Variants in ABCC6 observed in about 807,000 individuals in gnomAD.
The protein encoded by ABCC6 is ATP binding cassette subfamily C member 6.
In ABCC6, 126 loss-of-function variants were observed where a neutral mutation model predicts 169.5. That is an observed-to-expected ratio of 0.74 (90% CI 0.64 to 0.86). The LOEUF (loss-of-function observed/expected upper bound fraction) is 0.86, where lower values mean the gene tolerates loss of function less well. Ranked by LOEUF, ABCC6 falls within the 40% of genes least tolerant of loss-of-function variation. The pLI, the probability that ABCC6 is intolerant of heterozygous loss-of-function variation, is 0.00. For synonymous variants in ABCC6, 752 were observed against 814.7 expected, an observed-to-expected ratio of 0.92 and a Z score of 1.31; for missense variants, 1,733 against 1,927.2, an observed-to-expected ratio of 0.90 and a Z score of 1.89.
intron 21 of ABCC6, among the ~76,000 whole-genome samples, chr16:16,171,863 G>A (rs1368561771): frequency 1.4e-5 from 2 of 143,710 alleles, no homozygotes; most frequent in East Asian, 4.5e-4. Context: ...ATGAGTTGGT[G>A]GGAGGGATGG....
intron 17 of ABCC6, chr16:16,181,943 C>T (rs553225199): frequency 4.3e-6 from 1 of 235,166 alleles, no homozygotes; most frequent in East Asian, 1.1e-4. Flanking sequence ...CAAAACAAAA[C>T]AAAAAACAAA....
At chr16:16,188,537 A>G (rs976649373) in intron 13 of ABCC6, among the ~76,000 whole-genome samples, 12 of 152,238 alleles carry the variant, frequency 7.9e-5, no homozygotes, top group Non-Finnish European at 1.6e-4. Flanking sequence ...GGGAACTGAC[A>G]TGATTGCTTG....
Position 16,150,787 on chromosome 16 carries a change from G to A in ABCC6, c.4209-15C>T. 1 of 1,612,832 alleles carries A rather than the reference G, an allele frequency of 6.2e-7. No homozygotes were observed. The highest frequency in any genetic ancestry group is 8.5e-7 in the Non-Finnish European group (1 of 1,179,654). On this transcript the variant is annotated splice_polypyrimidine_tract_variant and intron_variant, in intron 29 of 30. Coordinates refer to ENST00000205557, the MANE Select transcript of ABCC6 (RefSeq NM_001171.6). ...TCTGGCCCACGCTGGGAACGATTGG[G>A]ACAATTAGCTGGGACGTGCGTTTGT... is the stretch of plus-strand genomic sequence containing the variant.
intron 29 of ABCC6, among the ~76,000 whole-genome samples, chr16:16,154,095 G>A (rs2046467637): frequency 6.6e-6 from 1 of 151,692 alleles, no homozygotes; most frequent in South Asian, 2.1e-4. Context: ...GACTACAGGT[G>A]CATGCCACCA....
chr16:16,160,381 T>C (rs1394615432), intron 25 of ABCC6, among the ~76,000 whole-genome samples: 1 of 152,152 alleles, frequency 6.6e-6, no homozygotes, highest in Non-Finnish European at 1.5e-5. Context: ...CTCATGCCTA[T>C]AATCCCAGCT....
rs373335815 is a variant in ABCC6 at position 16,175,928 on chromosome 16, G to A, written c.2649C>T (p.Pro883=). The part of the protein sequence containing the change: ...DPRGTSAGRR[P]ELRRERSIKS... The stretch of plus-strand genomic sequence containing the variant: ...GGACTCACCTCTCGCGTCTAAGCTC[G>A]GGCCTCCTGCCTGCAGAGGTGCCTC... The change falls in exon 20 of 31, where the codon CCC becomes CCT. Residue 883 remains proline (P), a synonymous_variant. Transcript: ENST00000205557. 19 of 1,613,972 alleles carry A rather than the reference G, an allele frequency of 1.2e-5. No homozygotes were observed. Among genetic ancestry groups the A allele is most frequent in the African/African-American group, 5.3e-5 (4 of 74,918 alleles).
chr16:16,217,520 G>C (rs1051491555), intron 4 of ABCC6, among the ~76,000 whole-genome samples: 1 of 152,064 alleles, frequency 6.6e-6, no homozygotes, highest in African/African-American at 2.4e-5. Flanking sequence ...GACCAGCCTT[G>C]GGAACATAAT....
chr16:16,190,361 G>C lies in ABCC6; in HGVS notation c.1438C>G (p.Gln480Glu), dbSNP rs746211393. 2 of 1,614,098 alleles carry C rather than the reference G, an allele frequency of 1.2e-6. No individual in the cohort carries two copies. The highest frequency in any genetic ancestry group is 1.7e-5 in the Admixed American group (1 of 60,012). Residue 480 changes from glutamine (Q) to glutamate (E), a missense_variant, in exon 12 of 31, where the codon CAA becomes GAA. Gln to Glu is a conservative substitution (Grantham distance 29). This residue lies in a region of ABCC6 where 1,601 missense variants were observed against 1,635.5 expected (regional missense o/e 0.98). Transcript: ENST00000205557. ...SKKRNHHQEEQMRQKDSRARL... is the reference protein window; with the variant it reads ...SKKRNHHQEEEMRQKDSRARL... ...GCCCGTGAGTCCTTCTGCCTCATTT[G>C]CTCCTCCTGGGATCGGAGGGAAAAA...
At chr16:16,157,586 C>T in intron 27 of ABCC6, 77 bp downstream of exon 27, 2 of 1,585,674 alleles carry the variant, frequency 1.3e-6, no homozygotes, top group Non-Finnish European at 1.7e-6. Flanking sequence ...GTGGCTGGTG[C>T]CCAGGGTTTA....
intron 21 of ABCC6, among the ~76,000 whole-genome samples, chr16:16,172,155 GGGAT>G (rs1255396084): frequency 7.4e-6 from 1 of 134,892 alleles, no homozygotes; most frequent in African/African-American, 2.8e-5. Flanking sequence ...ATGAGTGAGT[GGGAT>G]GGATAAATGG....
intron 18 of ABCC6, 88 bp downstream of exon 18, chr16:16,178,710 G>A: frequency 6.9e-7 from 1 of 1,446,050 alleles, no homozygotes; most frequent in Non-Finnish European, 9.7e-7. Context: ...GTGGAAGGGG[G>A]AGGTGAGATA....
Position 16,187,907 on chromosome 16 carries a change from T to TAAAA in ABCC6, c.1780-697_1780-696insTTTT, listed in dbSNP as rs1407043789. ...GTGAGACACTGTCTCAATAAATAAATTAAATAAATAAATAAATAAATAAAT... is the reference window on the plus strand; with the variant it reads ...GTGAGACACTGTCTCAATAAATAAATAAAATAAATAAATAAATAAATAAATAAAT... On this transcript the variant is annotated intron_variant, in intron 13 of 30. Coordinates refer to ENST00000205557, the MANE Select transcript of ABCC6 (RefSeq NM_001171.6). Among the ~76,000 whole-genome samples, 370 of 86,296 alleles carry TAAAA rather than the reference T, an allele frequency of 4.3e-3. 3 individuals carry two copies. Among genetic ancestry groups the TAAAA allele is most frequent in the Middle Eastern group, 0.04 (7 of 176 alleles). The allele number at this position is 86,296 out of a possible 152,430, so 56.6% of individuals were successfully genotyped here. A position where few individuals can be genotyped will look rare whatever the true frequency, so the allele number is the denominator to read the frequency against.
intron 10 of ABCC6, among the ~76,000 whole-genome samples, chr16:16,193,492 T>A (rs2047933571): frequency 6.6e-6 from 1 of 152,084 alleles, no homozygotes; most frequent in Non-Finnish European, 1.5e-5. Flanking sequence ...GGCGGGCAGA[T>A]CACCTGAGGT....
chr16:16,156,010 G>A (rs947954277), intron 27 of ABCC6, among the ~76,000 whole-genome samples: 2 of 152,308 alleles, frequency 1.3e-5, no homozygotes, highest in East Asian at 3.9e-4. Flanking sequence ...CCACCTCCCA[G>A]GTTCAAGCAA....
chr16:16,203,283 C>T, intron 8 of ABCC6, 127 bp downstream of exon 8: 1 of 1,509,128 alleles, frequency 6.6e-7, no homozygotes, highest in Non-Finnish European at 9.0e-7. Flanking sequence ...GTCCTTCTCA[C>T]CCACCATCCA....
At chr16:16,156,718 G>A (rs572047843) in intron 27 of ABCC6, among the ~76,000 whole-genome samples, 6 of 151,850 alleles carry the variant, frequency 4.0e-5, no homozygotes, top group African/African-American at 1.5e-4. Flanking sequence ...GAGGCCGAGG[G>A]GGGTGATTGA....
At chr16:16,194,752 A>C (rs979167629) in intron 10 of ABCC6, among the ~76,000 whole-genome samples, 2 of 152,016 alleles carry the variant, frequency 1.3e-5, no homozygotes, top group Non-Finnish European at 1.5e-5. Context: ...GTGCAGTCTC[A>C]TGATCTTGGC....
chr16:16,178,846 C>T lies in ABCC6; in HGVS notation c.2367G>A (p.Gln789=), dbSNP rs772679085. 2 of 1,613,830 alleles carry T rather than the reference C, an allele frequency of 1.2e-6. No individual in the cohort carries two copies. The highest frequency in any genetic ancestry group is 4.5e-5 in the East Asian group (2 of 44,868). Residue 789 remains glutamine, a synonymous_variant, in exon 18 of 31, where the codon CAG becomes CAA. Transcript: ENST00000205557. ...PLAALDAHVG[Q]HVFNQVIGPG... Reference sequence around the variant, plus strand: ...GCCCAATGACCTGGTTGAAGACATGCTGGCCAACGTGGGCATCCAGGGCCG... The same window carrying T: ...GCCCAATGACCTGGTTGAAGACATGTTGGCCAACGTGGGCATCCAGGGCCG...
In ABCC6 at chr16:16,149,891, T is replaced by C. The variant is rs915062202; in HGVS notation, c.*242A>G. 1.5e-5 allele frequency: 9 copies of C among 595,494 alleles called. No homozygotes were observed. The highest frequency in any genetic ancestry group is 1.3e-4 in the South Asian group (7 of 53,806). 36.9% of individuals were successfully genotyped at this position (595,494 alleles called of 1,614,324 possible). On this transcript the variant is annotated 3_prime_UTR_variant, in exon 31 of 31. Transcript: ENST00000205557. ...GCGGGGCTGAGAGTCGCTGTTGACA[T>C]TGGCTGCAGGGTGGACAGGGCGAGA...
Sources: gnomAD v4.1 joint callset for allele counts (sites outside exome capture counted in the v4.1 genomes callset) on GRCh38, gnomAD v4.1.1 for gene constraint, gnomAD v4.1.1 regional missense constraint, MANE v1.5 for transcripts, NCBI Gene and HGNC (gene_info 2026-07-23, HGNC 2026-07-21) for gene names.